The following NLRX1 variants were observed in gnomAD, a reference collection of about 807,000 sequenced individuals.
NLRX1 encodes the protein NOD-like receptor X1.
Under a neutral mutation model 74.2 loss-of-function variants are expected in NLRX1, and 67 were observed. The observed-to-expected ratio is 0.90, with a 90% CI of 0.74 to 1.11. The LOEUF is 1.11. Ranked by LOEUF, NLRX1 falls within the 50% of genes least tolerant of loss-of-function variation. NLRX1 has a pLI of 0.00. For missense variants in NLRX1, 1,191 were observed against 1,305.4 expected, an observed-to-expected ratio of 0.91 and a Z score of 1.35; for synonymous variants, 506 against 559.1, an observed-to-expected ratio of 0.91 and a Z score of 1.34.
chr11:119,182,843 T>C (rs368785938), intron 9 of NLRX1, among the ~76,000 whole-genome samples: 2 of 151,050 alleles, frequency 1.3e-5, no homozygotes, highest in African/African-American at 2.4e-5. Context: ...GCCGAGATCA[T>C]GCCACTGCAC....
Position 119,174,716 on chromosome 11 carries a change from G to A in NLRX1, c.1113G>A (p.Pro371=), listed in dbSNP as rs779379412. The change falls in exon 6 of 10, where the codon CCG becomes CCA. Residue 371 remains proline (P), a synonymous_variant. Transcript: ENST00000409109. ...HHQIAAACFL[P]SYCWLVCATL... ...AGATAGCCGCTGCCTGCTTCCTGCC[G>A]TCCTATTGCTGGCTCGTTTGTGCCA... 5.3e-5 allele frequency: 85 copies of A among 1,613,728 alleles called. 1 individual carries two copies. The highest frequency in any genetic ancestry group is 4.5e-4 in the South Asian group (41 of 91,092).
chr11:119,178,279 C>T (rs1948746836), intron 6 of NLRX1, among the ~76,000 whole-genome samples: 1 of 152,200 alleles, frequency 6.6e-6, no homozygotes, highest in African/African-American at 2.4e-5. Flanking sequence ...TCTTCCCTTT[C>T]AGAACCATTG....
chr11:119,174,428 T>C, intron 5 of NLRX1, 25 bp from the exon 6 acceptor site: 2 of 1,601,538 alleles, frequency 1.2e-6, no homozygotes, highest in African/African-American at 1.3e-5. Flanking sequence ...AGGTCTTTCT[T>C]AACTCTCAAC....
At chr11:119,181,384 C>A (rs1228708775) in intron 8 of NLRX1, 127 bp downstream of exon 8, 6 of 692,002 alleles carry the variant, frequency 8.7e-6, no homozygotes, top group Non-Finnish European at 1.0e-5. Context: ...AGGCCCTGAC[C>A]TGTCCCCTCC....
chr11:119,171,522 GGGTCCACAT>G (rs1328572338), intron 2 of NLRX1, 49 bp downstream of exon 2: 1 of 1,395,550 alleles, frequency 7.2e-7, no homozygotes, highest in Non-Finnish European at 1.0e-6. Flanking sequence ...TTGCTTTCCA[GGGTCCACAT>G]GATGCCTCCA....
intron 2 of NLRX1, 90 bp downstream of exon 2, chr11:119,171,563 C>T: frequency 2.3e-6 from 2 of 888,856 alleles, no homozygotes; most frequent in Non-Finnish European, 1.8e-6. Flanking sequence ...ATCCAGACAC[C>T]AGGTGCACTA....
chr11:119,172,238 C>A, intron 2 of NLRX1, 118 bp from the exon 3 acceptor site: 1 of 750,026 alleles, frequency 1.3e-6, no homozygotes, highest in African/African-American at 1.7e-5. Flanking sequence ...TGCAAAATAA[C>A]TGCTGCAAAG....
chr11:119,174,466 T>G lies in NLRX1; in HGVS notation c.863T>G (p.Val288Gly), dbSNP rs554169341. 1.7e-5 allele frequency: 27 copies of G among 1,613,534 alleles called. No individual in the cohort carries two copies. The South Asian group carries it at 2.9e-4, about 17-fold the overall frequency. ...KYMLPQASIL[V>G]TTRPSAIGRI... ...TGCTCTTCCCAGGCCAGCATTCTGG[T>G]GACCACTCGGCCCTCTGCCATTGGC... The change falls in exon 6 of 10, where the codon GTG becomes GGG. Residue 288 changes from valine (V) to glycine (G), a missense_variant. Physicochemically the swap from Val to Gly is moderately radical, Grantham distance 109. Coordinates refer to ENST00000409109, the MANE Select transcript of NLRX1 (RefSeq NM_001282144.2).
rs376197147 is a variant in NLRX1, at chr11:119,183,291, C to A, written c.2780C>A (p.Ala927Asp). Residue 927 changes from alanine to aspartate, a missense_variant, in exon 10 of 10, where the codon GCC becomes GAC. Ala to Asp is a moderately radical substitution (Grantham distance 126, BLOSUM62 -2). Coordinates refer to ENST00000409109, the MANE Select transcript of NLRX1 (RefSeq NM_001282144.2). The surrounding 1 kb of genome is among the most constrained non-coding windows in gnomAD (Gnocchi z 5.7). ...VQRNLNSWDRARVQRHLELLL... is the reference protein window; with the variant it reads ...VQRNLNSWDRDRVQRHLELLL... ...CGGAACCTCAATAGCTGGGATCGGG[C>A]CCGGGTTCAGCGACACCTTGAGCTC... 7 of 1,614,176 alleles carry A rather than the reference C, an allele frequency of 4.3e-6. No individual in the cohort carries two copies. The highest frequency in any genetic ancestry group is 5.9e-6 in the Non-Finnish European group (7 of 1,180,034).
At chr11:119,179,529 T>C (rs550608694) in intron 6 of NLRX1, among the ~76,000 whole-genome samples, 164 bp from the exon 7 acceptor site, 39 of 152,266 alleles carry the variant, frequency 2.6e-4, no homozygotes, top group South Asian at 1.2e-3. Flanking sequence ...TAGGGAGCCA[T>C]GGAAGGTGTC....
At chr11:119,172,259 T>G in intron 2 of NLRX1, 97 bp from the exon 3 acceptor site, 1 of 918,426 alleles carries the variant, frequency 1.1e-6, no homozygotes, top group Non-Finnish European at 1.8e-6. Context: ...GGGCAGTACA[T>G]GCTGCTATGA....
chr11:119,175,358 T>C (rs1190398189), intron 6 of NLRX1, 84 bp downstream of exon 6: 1 of 1,156,716 alleles, frequency 8.6e-7, no homozygotes, highest in African/African-American at 1.5e-5. Context: ...CATGGTTCCC[T>C]GTTCACCCCT....
chr11:119,176,693 AAAT>A (rs1399887992), intron 6 of NLRX1, among the ~76,000 whole-genome samples: 10 of 152,118 alleles, frequency 6.6e-5, no homozygotes, highest in African/African-American at 1.9e-4. Flanking sequence ...AAAAATAAAA[AAAT>A]AATAATAACA....
chr11:119,181,945 G>T lies in NLRX1; in HGVS notation c.2355-149G>T, dbSNP rs535537857. 14 of 866,530 alleles carry T rather than the reference G, an allele frequency of 1.6e-5. No individual in the cohort carries two copies. The African/African-American group carries it at 2.2e-4, about 14-fold the overall frequency. The allele number at this position is 866,530 out of a possible 1,614,324, so 53.7% of individuals were successfully genotyped here. ...CCTGGGCCTGCATTTCTATGTCCAG[G>T]TTCCTCTTGCCCCATGCAGGGCCCT... On this transcript the variant is annotated intron_variant, in intron 8 of 9. Transcript: ENST00000409109.
intron 6 of NLRX1, among the ~76,000 whole-genome samples, chr11:119,177,337 C>T (rs989808149): frequency 6.6e-6 from 1 of 151,918 alleles, no homozygotes; most frequent in South Asian, 2.1e-4. Flanking sequence ...CCACCTCAGC[C>T]TCCCACAGTG....
intron 6 of NLRX1, among the ~76,000 whole-genome samples, chr11:119,176,041 G>C (rs1948696710): frequency 6.6e-6 from 1 of 152,198 alleles, no homozygotes; most frequent in East Asian, 1.9e-4. Context: ...CAAATAGTAA[G>C]TTTAAAAGCC....
intron 1 of NLRX1, 24 bp from the exon 2 acceptor site, chr11:119,171,332 C>A (rs1019275080): frequency 2.6e-6 from 4 of 1,543,176 alleles, no homozygotes; most frequent in Admixed American, 3.5e-5. Flanking sequence ...TGGCAGTGAT[C>A]CATTCGTACT....
chr11:119,170,627 A>C (rs982043213), intron 1 of NLRX1, among the ~76,000 whole-genome samples: 2 of 152,238 alleles, frequency 1.3e-5, no homozygotes, highest in African/African-American at 2.4e-5. Context: ...TGATGAAGCC[A>C]TTAAAACTCA....
In NLRX1 at chr11:119,179,782, C is replaced by A; in HGVS notation, c.1761C>A (p.Asp587Glu). 1 of 1,614,178 alleles carries A rather than the reference C, an allele frequency of 6.2e-7. No homozygotes were observed. Among genetic ancestry groups the A allele is most frequent in the Non-Finnish European group, 8.5e-7 (1 of 1,180,032 alleles). The change falls in exon 7 of 10, where the codon GAC becomes GAA. Residue 587 changes from aspartate to glutamate, a missense_variant. Asp to Glu is a conservative substitution (Grantham distance 45). Coordinates refer to ENST00000409109, the MANE Select transcript of NLRX1 (RefSeq NM_001282144.2). ...TGCTGGAGATGTTTCGAGAGGAGGA[C>A]TACTACAACGATGATGTTCTGGACC... is the stretch of plus-strand genomic sequence containing the variant. ...AMVLEMFREE[D>E]YYNDDVLDQM...
Sources: gnomAD v4.1 joint callset for allele counts (sites outside exome capture counted in the v4.1 genomes callset) on GRCh38, gnomAD v4.1.1 for gene constraint, Gnocchi (gnomAD v3.1) non-coding constraint, MANE v1.5 for transcripts, NCBI Gene and HGNC (gene_info 2026-07-23, HGNC 2026-07-21) for gene names.